Variants in XYLB observed in about 807,000 individuals in gnomAD.
XYLB encodes xylulokinase.
In XYLB, 62 loss-of-function variants were observed where a neutral mutation model predicts 78.7. The observed-to-expected ratio is 0.79, with a 90% CI of 0.64 to 0.97. XYLB has a LOEUF of 0.97. Ranked by LOEUF, XYLB falls within the 50% of genes least tolerant of loss-of-function variation. The pLI is 0.00. For missense variants in XYLB, 687 were observed against 676.8 expected (o/e 1.02, Z -0.17); for synonymous variants, 245 against 247.4 (o/e 0.99, Z 0.09).
At chr3:38,445,072 T>A in the XYLB span, among the ~76,000 whole-genome samples, 42 of 152,168 alleles carry the variant, frequency 2.8e-4, no homozygotes, top group Non-Finnish European at 1.2e-4. Flanking sequence ...TCCTAAGCAT[T>A]TTCTCCTGTT....
At chr3:38,371,645 C>T (rs1367905122) in intron 9 of XYLB, among the ~76,000 whole-genome samples, 1 of 152,114 alleles carries the variant, frequency 6.6e-6, no homozygotes, top group African/African-American at 2.4e-5. Flanking sequence ...GCCTCAGTCT[C>T]CCAAAGTGCT....
chr3:38,412,635 C>T (rs1708641505), intron 18 of XYLB, among the ~76,000 whole-genome samples: 5 of 152,160 alleles, frequency 3.3e-5, no homozygotes, highest in Non-Finnish European at 7.4e-5. Context: ...GTATCACCAG[C>T]TTTCACCAGC....
At chr3:38,378,865 C>T (rs565380643) in intron 14 of XYLB, among the ~76,000 whole-genome samples, 1 of 149,508 alleles carries the variant, frequency 6.7e-6, no homozygotes, top group African/African-American at 2.5e-5. Flanking sequence ...CTAATCTGAT[C>T]ATTGCAACAA....
chr3:38,398,439 G>C (rs1239192847), intron 17 of XYLB, among the ~76,000 whole-genome samples: 1 of 151,708 alleles, frequency 6.6e-6, no homozygotes. Flanking sequence ...TTGCACTCCA[G>C]CCTGGGTGAC....
Position 38,368,131 on chromosome 3 carries a change from G to A in XYLB, c.574-54G>A, listed in dbSNP as rs368915625. On this transcript the variant is annotated intron_variant, in intron 7 of 18. Coordinates refer to ENST00000207870, the MANE Select transcript of XYLB (RefSeq NM_005108.4). ...GCTTTGTGTGTGTCAGAAGCATTCA[G>A]TAGCGTAGGGTATGTGGAAGTGAGG... The A allele has an allele frequency of 3.6e-5, 56 of 1,546,538 alleles. 1 individual carries two copies. In the African/African-American group the frequency reaches 3.9e-4, roughly 11 times the overall value.
chr3:38,368,172 C>T lies in XYLB; in HGVS notation c.574-13C>T, dbSNP rs1706362159. 1 of 1,613,760 alleles carries T rather than the reference C, an allele frequency of 6.2e-7. No homozygotes were observed. The highest frequency in any genetic ancestry group is 8.5e-7 in the Non-Finnish European group (1 of 1,179,692). On this transcript the variant is annotated splice_polypyrimidine_tract_variant and intron_variant, in intron 7 of 18. Transcript: ENST00000207870. ...GGAAGTGAGGCACCTCTCACTGTTT[C>T]TTTCCTTTACAGAGAATTTCTTTGG...
chr3:38,430,450 T>C, the XYLB span, among the ~76,000 whole-genome samples: 2 of 152,244 alleles, frequency 1.3e-5, no homozygotes, highest in Admixed American at 1.3e-4. Context: ...AGATTCTCGA[T>C]ATTAGCCCTT....
In XYLB at chr3:38,365,490, A is replaced by G. The variant is rs1198438981; in HGVS notation, c.379-118A>G. Reference sequence around the variant, plus strand: ...GGGCTGGCCCATGTGTCTCCAACCAAGGTCACCTGGGAAGAAGCGTCATGA... The same window carrying G: ...GGGCTGGCCCATGTGTCTCCAACCAGGGTCACCTGGGAAGAAGCGTCATGA... On this transcript the variant is annotated intron_variant, in intron 5 of 18. Transcript: ENST00000207870. 4.6e-6 allele frequency: 7 copies of G among 1,512,698 alleles called. No individual in the cohort carries two copies. In the African/African-American group the frequency reaches 5.5e-5, roughly 12 times the overall value. The allele number at this position is 1,512,698 out of a possible 1,614,324, so 93.7% of individuals were successfully genotyped here. A position where few individuals can be genotyped will look rare whatever the true frequency, so the allele number is the denominator to read the frequency against.
chr3:38,447,792 C>T, the XYLB span, among the ~76,000 whole-genome samples: 1 of 152,118 alleles, frequency 6.6e-6, no homozygotes, highest in Non-Finnish European at 1.5e-5. Context: ...AAAGGAATAC[C>T]TCCATTCTTG....
chr3:38,452,350 CCT>C, the XYLB span: 1 of 152,172 alleles, frequency 6.6e-6, no homozygotes, highest in Non-Finnish European at 1.5e-5. Context: ...AAGTGTGGCC[CCT>C]GAGGTGTTCC....
chr3:38,377,065 T>C, intron 14 of XYLB, 74 bp downstream of exon 14: 1 of 1,326,116 alleles, frequency 7.5e-7, no homozygotes. Context: ...GCCTATCAAA[T>C]TATGTTACTT....
chr3:38,446,664 G>A, the XYLB span, among the ~76,000 whole-genome samples: 1 of 152,144 alleles, frequency 6.6e-6, no homozygotes, highest in African/African-American at 2.4e-5. Flanking sequence ...AACTTATATT[G>A]GGGAATGGAA....
Position 38,346,890 on chromosome 3 carries a change from C to A in XYLB, c.22C>A (p.Arg8Ser). The A allele has an allele frequency of 6.6e-7, 1 of 1,519,724 alleles. No homozygotes were observed. Among genetic ancestry groups the A allele is most frequent in the Admixed American group, 2.1e-5 (1 of 48,274 alleles). The allele number at this position is 1,519,724 out of a possible 1,614,324, so 94.1% of individuals were successfully genotyped here. A position where few individuals can be genotyped will look rare whatever the true frequency, so the allele number is the denominator to read the frequency against. Reference protein sequence around the residue: MAEHAPRRCCLGWDFSTQ... With the variant: MAEHAPRSCCLGWDFSTQ... Reference sequence around the variant, plus strand: ...GGCCATGGCGGAGCACGCCCCTCGCCGCTGCTGCCTGGGCTGGGACTTCAG... The same window carrying A: ...GGCCATGGCGGAGCACGCCCCTCGCAGCTGCTGCCTGGGCTGGGACTTCAG... Residue 8 changes from arginine to serine, a missense_variant, in exon 1 of 19, where the codon CGC (arginine) becomes AGC (serine). Transcript: ENST00000207870.
chr3:38,421,850 A>G (rs1387913863), downstream of XYLB, among the ~76,000 whole-genome samples: 2 of 152,096 alleles, frequency 1.3e-5, no homozygotes, highest in African/African-American at 2.4e-5. Context: ...GACCCTCCGA[A>G]TCTTTCTTTT....
intron 12 of XYLB, 127 bp from the exon 13 acceptor site, chr3:38,375,990 G>A: frequency 1.4e-6 from 1 of 713,518 alleles, no homozygotes; most frequent in Middle Eastern, 2.4e-4. Context: ...AAAGCCTGCT[G>A]TGCACTGACT....
chr3:38,351,171 C>CAAAAAAAAAAAAAAAAAAAAAAAAAAA lies in XYLB; in HGVS notation c.140+2541_140+2567dup, dbSNP rs58457623. 1.6e-3 allele frequency among the ~76,000 whole-genome samples: 37 copies of CAAAAAAAAAAAAAAAAAAAAAAAAAAA among 23,088 alleles called. 6 individuals are homozygous for CAAAAAAAAAAAAAAAAAAAAAAAAAAA. Among genetic ancestry groups the CAAAAAAAAAAAAAAAAAAAAAAAAAAA allele is most frequent in the Non-Finnish European group, 3.1e-3 (32 of 10,248 alleles). 15.1% of individuals were successfully genotyped at this position (23,088 alleles called of 152,430 possible). A position where few individuals can be genotyped will look rare whatever the true frequency, so the allele number is the denominator to read the frequency against. On this transcript the variant is annotated intron_variant, in intron 2 of 18. Coordinates refer to ENST00000207870, the MANE Select transcript of XYLB (RefSeq NM_005108.4). ...TGGACAACAGAGGGAGAGCCTGTCT[C>CAAAAAAAAAAAAAAAAAAAAAAAAAAA]AAAAAAAAAAAAAAAAAAAAAAAAA...
rs560686131 is a variant in XYLB at position 38,356,023 on chromosome 3, G to A, written c.141-4316G>A. 265 of 470,502 alleles carry A rather than the reference G, an allele frequency of 5.6e-4. 5 individuals are homozygous for A. In the South Asian group the frequency reaches 8.6e-3, roughly 15 times the overall value. The allele number at this position is 470,502 out of a possible 1,614,324, so 29.1% of individuals were successfully genotyped here. On this transcript the variant is annotated intron_variant, in intron 2 of 18. Coordinates refer to ENST00000207870, the MANE Select transcript of XYLB (RefSeq NM_005108.4). Reference sequence around the variant, plus strand: ...CCCAGCACTTTGGGATTACAGAGGCGGGCACATCACGAGGTCAGGAGATCG... The same window carrying A: ...CCCAGCACTTTGGGATTACAGAGGCAGGCACATCACGAGGTCAGGAGATCG...
intron 2 of XYLB, among the ~76,000 whole-genome samples, chr3:38,357,671 C>T (rs905801455): frequency 2.0e-5 from 3 of 152,216 alleles, no homozygotes; most frequent in Non-Finnish European, 4.4e-5. Flanking sequence ...CAGGCGTGAG[C>T]CACCGCATCC....
chr3:38,362,978 C>T lies in XYLB; in HGVS notation c.252C>T (p.Phe84=), dbSNP rs1224966961. ...TGGAGAAGATGAAGGCTTCGGGCTT[C>T]GACTTCTCTCAAGTCCTAGCCTTGT... ...IILEKMKASG[F]DFSQVLALSG... is the part of the protein sequence containing the mutation. The change falls in exon 4 of 19, where the codon TTC becomes TTT. Residue 84 remains phenylalanine, a synonymous_variant. Coordinates refer to ENST00000207870, the MANE Select transcript of XYLB (RefSeq NM_005108.4). 8 of 1,584,076 alleles carry T rather than the reference C, an allele frequency of 5.1e-6. No homozygotes were observed. The highest frequency in any genetic ancestry group is 1.2e-5 in the South Asian group (1 of 86,582).
Sources: allele counts gnomAD v4.1 joint callset (sites outside exome capture counted in the v4.1 genomes callset), GRCh38; gene constraint gnomAD v4.1.1; transcripts MANE v1.5; gene names NCBI Gene and HGNC (gene_info 2026-07-23, HGNC 2026-07-21).